Variants in CNTLN observed in about 807,000 individuals in gnomAD.
CNTLN encodes centlein, centrosomal protein.
A neutral mutation model predicts 180.0 loss-of-function variants in CNTLN; 212 were observed. The observed-to-expected ratio is 1.18, with a 90% CI of 1.05 to 1.32. The LOEUF (loss-of-function observed/expected upper bound fraction) is 1.32, where lower values mean the gene tolerates loss of function less well. Ranked by LOEUF, CNTLN falls within the 40% of genes most tolerant of loss-of-function variation. The pLI, the probability that CNTLN is intolerant of heterozygous loss-of-function variation, is 0.00. For missense variants in CNTLN, 2,095 were observed against 1,610.9 expected (o/e 1.30, Z -5.14); for synonymous variants, 722 against 563.1 (o/e 1.28, Z -3.99).
chr9:17,422,972 A>C (rs1269539455), intron 18 of CNTLN, among the ~76,000 whole-genome samples: 1 of 152,128 alleles, frequency 6.6e-6, no homozygotes, highest in East Asian at 1.9e-4. Context: ...ATTCTTGCAG[A>C]CTTGTACCAC....
intron 2 of CNTLN, among the ~76,000 whole-genome samples, chr9:17,207,324 C>T (rs530516377): frequency 4.6e-5 from 7 of 152,260 alleles, no homozygotes; most frequent in South Asian, 2.1e-4. Flanking sequence ...TCTTCCCTTG[C>T]GCGTTTCCCA....
chr9:17,302,192 A>G, intron 7 of CNTLN: 6 of 864,472 alleles, frequency 6.9e-6, no homozygotes, highest in Non-Finnish European at 8.3e-6. Context: ...TATTAACCAT[A>G]TGCAATTCAC....
chr9:17,282,813 C>T (rs1019202295), intron 6 of CNTLN, among the ~76,000 whole-genome samples: 3 of 152,142 alleles, frequency 2.0e-5, no homozygotes, highest in African/African-American at 7.2e-5. Flanking sequence ...TATGGCTAGC[C>T]AGTTTTCCCA....
intron 2 of CNTLN, among the ~76,000 whole-genome samples, chr9:17,186,673 TTAGGTTC>T (rs1821452647): frequency 6.6e-6 from 1 of 152,142 alleles, no homozygotes; most frequent in South Asian, 2.1e-4. Context: ...GTGTATATAT[TTAGGTTC>T]TGTTACCATT....
chr9:17,491,898 A>G (rs1833180057), intron 25 of CNTLN, among the ~76,000 whole-genome samples: 1 of 141,080 alleles, frequency 7.1e-6, no homozygotes, highest in African/African-American at 3.2e-5. Context: ...TTTTGTAAAT[A>G]GAATATACTA....
intron 23 of CNTLN, among the ~76,000 whole-genome samples, chr9:17,478,201 C>T (rs1832456801): frequency 6.6e-6 from 1 of 152,204 alleles, no homozygotes; most frequent in Non-Finnish European, 1.5e-5. Context: ...TTTACATTCA[C>T]TGGGAAACCA....
chr9:17,147,347 G>C (rs1235709595), intron 2 of CNTLN, among the ~76,000 whole-genome samples: 1 of 152,202 alleles, frequency 6.6e-6, no homozygotes, highest in Non-Finnish European at 1.5e-5. Flanking sequence ...GCTGCAGGTA[G>C]CTGTTCTGAA....
intron 8 of CNTLN, among the ~76,000 whole-genome samples, chr9:17,315,580 C>G (rs974529253): frequency 6.6e-6 from 1 of 151,980 alleles, no homozygotes; most frequent in African/African-American, 2.4e-5. Context: ...CACATTCTTT[C>G]TCTCCTGTCC....
At chr9:17,222,946 A>G (rs1824240197) in intron 2 of CNTLN, among the ~76,000 whole-genome samples, 1 of 152,030 alleles carries the variant, frequency 6.6e-6, no homozygotes, top group Non-Finnish European at 1.5e-5. Context: ...CCCTAGGTGA[A>G]CTTATCTACC....
At chr9:17,294,530 C>T (rs1563966691) in intron 6 of CNTLN, among the ~76,000 whole-genome samples, 2 of 151,314 alleles carry the variant, frequency 1.3e-5, no homozygotes, top group African/African-American at 2.4e-5. Flanking sequence ...GAGCTAGATA[C>T]AGAGTGCTGA....
intron 18 of CNTLN, among the ~76,000 whole-genome samples, chr9:17,456,539 A>G (rs1564122131): frequency 6.6e-6 from 1 of 152,146 alleles, no homozygotes; most frequent in Non-Finnish European, 1.5e-5. Flanking sequence ...ATTGTGTTTT[A>G]AATATAGTGT....
intron 6 of CNTLN, among the ~76,000 whole-genome samples, chr9:17,293,933 G>GTAA (rs1486644720): frequency 1.3e-5 from 2 of 152,186 alleles, no homozygotes; most frequent in Admixed American, 6.5e-5. Flanking sequence ...TTCCCAGGCA[G>GTAA]GGTAGTAGTG....
intron 13 of CNTLN, among the ~76,000 whole-genome samples, chr9:17,377,010 A>G (rs931790059): frequency 6.6e-6 from 1 of 152,082 alleles, no homozygotes; most frequent in Non-Finnish European, 1.5e-5. Flanking sequence ...AAAACCCAGA[A>G]TTTTTACAAA....
chr9:17,506,759 T>G (rs1833939120), downstream of CNTLN, among the ~76,000 whole-genome samples: 1 of 152,088 alleles, frequency 6.6e-6, no homozygotes, highest in Non-Finnish European at 1.5e-5. Flanking sequence ...CAGAAAACAT[T>G]TGAGAGAGCC....
At chr9:17,408,516 G>A (rs1827585264) in intron 15 of CNTLN, among the ~76,000 whole-genome samples, 1 of 151,926 alleles carries the variant, frequency 6.6e-6, no homozygotes, top group Admixed American at 6.6e-5. Flanking sequence ...AAGTCCCTGG[G>A]CCCGGCTGGG....
intron 2 of CNTLN, among the ~76,000 whole-genome samples, chr9:17,161,166 A>T (rs1171658575): frequency 1.3e-5 from 2 of 152,136 alleles, no homozygotes; most frequent in Non-Finnish European, 2.9e-5. Flanking sequence ...TTTCCTTAGT[A>T]GAATAATATC....
At chr9:17,454,401 G>A (rs753394) in intron 18 of CNTLN, among the ~76,000 whole-genome samples, 3,930 of 152,170 alleles carry the variant, frequency 0.026, 198 homozygotes, top group East Asian at 0.25. Context: ...GCACTGCTGC[G>A]GATATAGAGT....
At chr9:17,241,566 A>G (rs1279594231) in intron 5 of CNTLN, among the ~76,000 whole-genome samples, 1 of 152,038 alleles carries the variant, frequency 6.6e-6, no homozygotes, top group Non-Finnish European at 1.5e-5. Flanking sequence ...TATAATTTTC[A>G]GATTAAAAAA....
chr9:17,431,976 C>T (rs769545322), intron 18 of CNTLN, among the ~76,000 whole-genome samples: 3 of 152,160 alleles, frequency 2.0e-5, no homozygotes, highest in Non-Finnish European at 2.9e-5. Context: ...AAGTATTCCT[C>T]TACATTGTGT....
Sources: gnomAD v4.1 joint callset for allele counts (sites outside exome capture counted in the v4.1 genomes callset) on GRCh38, gnomAD v4.1.1 for gene constraint, MANE v1.5 for transcripts, NCBI Gene and HGNC (gene_info 2026-07-23, HGNC 2026-07-21) for gene names.